The following MDN1 variants were observed in gnomAD, a reference collection of about 807,000 sequenced individuals.
The protein encoded by MDN1 is midasin.
MDN1 carries 266 observed loss-of-function variants against 669.2 expected under a neutral mutation model. The observed-to-expected ratio is 0.40, with a 90% CI of 0.36 to 0.44. The LOEUF is 0.44. Among genes scored for constraint, MDN1 ranks in the 20% least tolerant of loss-of-function variants. The probability of loss-of-function intolerance (pLI) is 1.00; values close to 1 mark genes in which losing one functional copy is unlikely to be tolerated. For missense variants in MDN1, 5,940 were observed against 6,754.0 expected (o/e 0.88, Z 4.22); for synonymous variants, 2,385 against 2,457.1 (o/e 0.97, Z 0.87).
At position 89,672,673 on chromosome 6, in the gene MDN1, C is replaced by A; in HGVS notation, c.13504G>T (p.Glu4502Ter). ...ATTTCCATTTGCTCTGAAAAATCTT[C>A]CACAAATCCTTCGTCCAACATTTGA... is the stretch of plus-strand genomic sequence containing the variant. ...GNQMLDEGFVEDFSEQMEIAI... is the reference protein window; with the variant it reads ...GNQMLDEGFV Residue 4502 changes from glutamate (E) to a stop codon, truncating the protein, a stop_gained, in exon 81 of 102, where the codon GAA (glutamate) becomes TAA (stop). Coordinates refer to ENST00000369393, the MANE Select transcript of MDN1 (RefSeq NM_014611.3). LOFTEE classifies it high-confidence loss of function. 6.2e-7 allele frequency: 1 copy of A among 1,614,024 alleles called. No individual in the cohort carries two copies. Among genetic ancestry groups the A allele is most frequent in the Non-Finnish European group, 8.5e-7 (1 of 1,180,016 alleles).
At chr6:89,745,192 T>C in intron 29 of MDN1, 81 bp downstream of exon 29, 1 of 1,391,382 alleles carries the variant, frequency 7.2e-7, no homozygotes, top group East Asian at 3.2e-5. Context: ...GATTAATACT[T>C]TCATGAGTTC....
intron 2 of MDN1, among the ~76,000 whole-genome samples, chr6:89,796,123 A>G (rs1819578148): frequency 6.6e-6 from 1 of 151,720 alleles, no homozygotes; most frequent in African/African-American, 2.4e-5. Flanking sequence ...TAAGGAGTTC[A>G]AGACCAGCCT....
chr6:89,794,903 T>G, intron 2 of MDN1, 102 bp from the exon 3 acceptor site: 1 of 919,994 alleles, frequency 1.1e-6, no homozygotes, highest in Non-Finnish European at 1.7e-6. Flanking sequence ...CATTTTCAAC[T>G]TAAGCTATTT....
chr6:89,762,858 C>T lies in MDN1; in HGVS notation c.2145-328G>A, dbSNP rs757354492. Among the ~76,000 whole-genome samples, 83 of 152,046 alleles carry T rather than the reference C, an allele frequency of 5.5e-4. 1 individual carries two copies. The highest frequency in any genetic ancestry group is 2.7e-3 in the South Asian group (13 of 4,818). ...TCACTTGAGCCCAGGAGTTCAAGCCCACCCTGGGCAACATGGCAAAACCCT... is the reference window on the plus strand; with the variant it reads ...TCACTTGAGCCCAGGAGTTCAAGCCTACCCTGGGCAACATGGCAAAACCCT... On this transcript the variant is annotated intron_variant, in intron 15 of 101. Coordinates refer to ENST00000369393, the MANE Select transcript of MDN1 (RefSeq NM_014611.3).
At chr6:89,816,237 T>C (rs1768819849) in intron 1 of MDN1, among the ~76,000 whole-genome samples, 1 of 151,234 alleles carries the variant, frequency 6.6e-6, no homozygotes, top group African/African-American at 2.4e-5. Flanking sequence ...CCGTCTCTAC[T>C]AAAAATACAA....
chr6:89,699,999 A>G (rs1813034819), intron 57 of MDN1, 64 bp downstream of exon 57: 2 of 1,441,472 alleles, frequency 1.4e-6, no homozygotes, highest in Non-Finnish European at 1.9e-6. Flanking sequence ...TTATGGGTAT[A>G]GGATACACAG....
chr6:89,771,650 C>T (rs1818084239), intron 14 of MDN1, 29 bp from the exon 15 acceptor site: 5 of 1,591,308 alleles, frequency 3.1e-6, no homozygotes, highest in South Asian at 1.1e-5. Context: ...AAAAGTGTTA[C>T]TCCAAAAATT....
At chr6:89,718,653 C>A (rs1443261841) in intron 42 of MDN1, 26 bp from the exon 43 acceptor site, 2 of 1,610,608 alleles carry the variant, frequency 1.2e-6, no homozygotes, top group Non-Finnish European at 1.7e-6. Flanking sequence ...GACATGAACT[C>A]ATCATAGGGT....
intron 33 of MDN1, among the ~76,000 whole-genome samples, chr6:89,735,875 C>T (rs113974633): frequency 0.13 from 19,517 of 152,044 alleles, 1,708 homozygotes; most frequent in Non-Finnish European, 0.19. Context: ...CAAAAATTAG[C>T]TGGGCGTTGT....
In MDN1 at chr6:89,708,615, G is replaced by A. The variant is rs762366563; in HGVS notation, c.7779C>T (p.Ile2593=). The change falls in exon 51 of 102, where the codon ATC becomes ATT. Residue 2593 remains isoleucine (I), a synonymous_variant. Transcript: ENST00000369393. ...LQPNTTDEFV[I]PLDPRWNMQA... is the part of the protein sequence containing the mutation. ...GCATATTCCATCGGGGATCCAGAGG[G>A]ATCACAAATTCATCTAGTTTAAAAA... 1.2e-6 allele frequency: 2 copies of A among 1,613,454 alleles called. No individual in the cohort carries two copies. Among genetic ancestry groups the A allele is most frequent in the Non-Finnish European group, 1.7e-6 (2 of 1,179,724 alleles).
rs578205317 is a variant in MDN1 at position 89,787,275 on chromosome 6, T to C, written c.1334+579A>G. Among the ~76,000 whole-genome samples the C allele has an allele frequency of 2.6e-5, 4 of 152,280 alleles. No individual in the cohort carries two copies. In the East Asian group the frequency reaches 7.7e-4, roughly 29 times the overall value. On this transcript the variant is annotated intron_variant, in intron 8 of 101. Transcript: ENST00000369393. ...GCAGGTATAGACTAGCAGTAAGAAA[T>C]AAACCACTGCCTTCAGGTAATTTTA... is the stretch of plus-strand genomic sequence containing the variant.
chr6:89,747,551 A>G (rs1321735283), intron 26 of MDN1, 81 bp from the exon 27 acceptor site: 5 of 1,377,312 alleles, frequency 3.6e-6, no homozygotes, highest in East Asian at 2.5e-5. Context: ...TATAAAATTC[A>G]TAACAAATTT....
intron 2 of MDN1, among the ~76,000 whole-genome samples, chr6:89,798,689 A>C (rs1396033467): frequency 6.6e-6 from 1 of 152,240 alleles, no homozygotes; most frequent in Non-Finnish European, 1.5e-5. Context: ...TGATGAAAAT[A>C]CTAAAAACCA....
intron 15 of MDN1, among the ~76,000 whole-genome samples, chr6:89,765,937 T>C (rs964085815): frequency 6.6e-6 from 1 of 152,230 alleles, no homozygotes; most frequent in Non-Finnish European, 1.5e-5. Flanking sequence ...TCTGTTATTA[T>C]TGATCTATTG....
intron 2 of MDN1, among the ~76,000 whole-genome samples, chr6:89,798,302 T>C (rs1584388916): frequency 6.6e-6 from 1 of 151,246 alleles, no homozygotes; most frequent in African/African-American, 2.4e-5. Flanking sequence ...TCACCTGAGG[T>C]TGGGAGTTCG....
At chr6:89,723,219 T>A in intron 39 of MDN1, 76 bp from the exon 40 acceptor site, 1 of 1,384,780 alleles carries the variant, frequency 7.2e-7, no homozygotes, top group Non-Finnish European at 1.0e-6. Context: ...AGGAATGTAC[T>A]ACAAAAGCAT....
intron 27 of MDN1, among the ~76,000 whole-genome samples, chr6:89,747,075 T>C (rs922301860): frequency 2.0e-5 from 3 of 152,204 alleles, no homozygotes; most frequent in Non-Finnish European, 4.4e-5. Flanking sequence ...AAAGAGGCTA[T>C]GTCCATATCC....
intron 31 of MDN1, among the ~76,000 whole-genome samples, chr6:89,741,297 T>G (rs955318659): frequency 6.6e-6 from 1 of 152,000 alleles, no homozygotes; most frequent in African/African-American, 2.4e-5. Context: ...TTTGCAAAAA[T>G]TATGAGTGAG....
chr6:89,815,173 G>A, intron 1 of MDN1: 1 of 380,542 alleles, frequency 2.6e-6, no homozygotes. Context: ...ACCTGGACAG[G>A]CTCACGTGCC....
Sources: gnomAD v4.1 joint callset for allele counts (sites outside exome capture counted in the v4.1 genomes callset) on GRCh38, gnomAD v4.1.1 for gene constraint, MANE v1.5 for transcripts, NCBI Gene and HGNC (gene_info 2026-07-23, HGNC 2026-07-21) for gene names.